SUPT3H: variants seen among roughly 807,000 people sequenced by gnomAD.
SUPT3H encodes SPT3 homolog, SAGA and STAGA complex component.
In SUPT3H, 44 loss-of-function variants were observed where a neutral mutation model predicts 44.3. That is an observed-to-expected ratio of 0.99 (90% CI 0.78 to 1.28). The LOEUF (loss-of-function observed/expected upper bound fraction) is 1.28, where lower values mean the gene tolerates loss of function less well. SUPT3H is among the 50% of genes most tolerant of loss of function. The probability of loss-of-function intolerance (pLI) is 0.00; values close to 1 mark genes in which losing one functional copy is unlikely to be tolerated. For synonymous variants in SUPT3H, 124 were observed against 125.6 expected (o/e 0.99, Z 0.09); for missense variants, 380 against 387.1 (o/e 0.98, Z 0.15).
At chr6:44,933,517 T>C (rs1770926455) in intron 9 of SUPT3H, among the ~76,000 whole-genome samples, 2 of 152,196 alleles carry the variant, frequency 1.3e-5, no homozygotes, top group South Asian at 4.1e-4. Context: ...AGATACATAA[T>C]ATCTCGGGCC....
Position 44,847,645 on chromosome 6 carries a change from G to A in SUPT3H, c.913-17788C>T, listed in dbSNP as rs1181592897. ...TGGGACTACAGGCATGTGCCACCAT[G>A]CCCAGCTAATTTTTGTATTTTTAGT... On this transcript the variant is annotated intron_variant, in intron 10 of 10. Coordinates refer to ENST00000371459, the MANE Select transcript of SUPT3H (RefSeq NM_003599.4). Among the ~76,000 whole-genome samples the A allele has an allele frequency of 2.6e-5, 4 of 152,000 alleles. No individual in the cohort carries two copies. In the East Asian group the frequency reaches 7.8e-4, roughly 30 times the overall value.
intron 10 of SUPT3H, among the ~76,000 whole-genome samples, chr6:44,854,479 T>C (rs551200005): frequency 2.6e-5 from 4 of 152,178 alleles, no homozygotes; most frequent in Non-Finnish European, 4.4e-5. Context: ...TGCTCTTCTG[T>C]TGAACTTGGT....
rs546103147 is a variant in SUPT3H, at chr6:45,001,526, T to C, written c.504+2127A>G. Reference sequence around the variant, plus strand: ...GGATGAAACTAAAGCCAAGCACACATACATCAGCTGAAAACAATAGGAAAG... The same window carrying C: ...GGATGAAACTAAAGCCAAGCACACACACATCAGCTGAAAACAATAGGAAAG... On this transcript the variant is annotated intron_variant, in intron 6 of 10. Coordinates refer to ENST00000371459, the MANE Select transcript of SUPT3H (RefSeq NM_003599.4). Among the ~76,000 whole-genome samples the C allele has an allele frequency of 4.6e-5, 7 of 152,180 alleles. No individual in the cohort carries two copies. The East Asian group carries it at 1.4e-3, about 29-fold the overall frequency.
intron 2 of SUPT3H, among the ~76,000 whole-genome samples, chr6:45,331,665 A>C (rs1319830765): frequency 6.6e-6 from 1 of 151,986 alleles, no homozygotes; most frequent in Non-Finnish European, 1.5e-5. Flanking sequence ...TTTATTTTTA[A>C]AAAATGTTTT....
intron 9 of SUPT3H, among the ~76,000 whole-genome samples, chr6:44,948,942 A>G (rs1300984336): frequency 6.6e-6 from 1 of 152,334 alleles, no homozygotes; most frequent in Admixed American, 6.5e-5. Context: ...ACATGCACAC[A>G]TATGTTTATT....
chr6:45,062,658 G>A lies in SUPT3H; in HGVS notation c.187-42026C>T, dbSNP rs1207268111. ...GCATTGCCTCACCTGGGAAGCGCGAGGGGTCAGGAAGTTCCCTTTCCGAGT... is the reference window on the plus strand; with the variant it reads ...GCATTGCCTCACCTGGGAAGCGCGAAGGGTCAGGAAGTTCCCTTTCCGAGT... On this transcript the variant is annotated intron_variant, in intron 3 of 10. Coordinates refer to ENST00000371459, the MANE Select transcript of SUPT3H (RefSeq NM_003599.4). Among the ~76,000 whole-genome samples the A allele has an allele frequency of 1.3e-5, 2 of 152,222 alleles. 1 individual carries two copies.
intron 2 of SUPT3H, chr6:45,158,962 A>G (rs978695778): frequency 2.0e-5 from 3 of 152,188 alleles, no homozygotes; most frequent in African/African-American, 7.2e-5. Context: ...AGGAAGACAC[A>G]TTTCAATTTG....
chr6:45,009,634 C>T (rs1009161975), intron 5 of SUPT3H, among the ~76,000 whole-genome samples: 2 of 152,176 alleles, frequency 1.3e-5, no homozygotes, highest in African/African-American at 2.4e-5. Context: ...ATGCTCATTA[C>T]TGAACTCTCA....
intron 10 of SUPT3H, among the ~76,000 whole-genome samples, chr6:44,915,564 A>G (rs2153454604): frequency 6.6e-6 from 1 of 152,248 alleles, no homozygotes; most frequent in East Asian, 1.9e-4. Context: ...ATGCCACATT[A>G]TACCCTCCAG....
At chr6:44,935,844 AG>A (rs1381365155) in intron 9 of SUPT3H, among the ~76,000 whole-genome samples, 18 of 152,336 alleles carry the variant, frequency 1.2e-4, no homozygotes, top group Non-Finnish European at 2.4e-4. Flanking sequence ...ACTGAAACTT[AG>A]GTTTGCCCCT....
intron 2 of SUPT3H, among the ~76,000 whole-genome samples, chr6:45,231,610 G>T (rs1768064433): frequency 6.6e-6 from 1 of 152,112 alleles, no homozygotes; most frequent in African/African-American, 2.4e-5. Flanking sequence ...GGGTCACTAG[G>T]CTTTCTGTAT....
rs1050699498 is a variant in SUPT3H, at chr6:45,234,920, C to T, written c.102-128914G>A. 4.6e-5 allele frequency among the ~76,000 whole-genome samples: 7 copies of T among 152,072 alleles called. No individual in the cohort carries two copies. In the East Asian group the frequency reaches 5.8e-4, roughly 13 times the overall value. Reference sequence around the variant, plus strand: ...AGAAATAGTTTAACAAGATACAAAACGCTTCTTAATAAAATTTAAGAGCTG... The same window carrying T: ...AGAAATAGTTTAACAAGATACAAAATGCTTCTTAATAAAATTTAAGAGCTG... On this transcript the variant is annotated intron_variant, in intron 2 of 10. Coordinates refer to ENST00000371459, the MANE Select transcript of SUPT3H (RefSeq NM_003599.4).
intron 2 of SUPT3H, among the ~76,000 whole-genome samples, chr6:45,133,774 A>G (rs1013236767): frequency 1.5e-4 from 23 of 152,200 alleles, no homozygotes; most frequent in African/African-American, 5.5e-4. Context: ...TCATGTTGCT[A>G]AAGAGGAGAA....
rs1404196325 is a variant in SUPT3H at position 45,215,210 on chromosome 6, A to C, written c.102-109204T>G. The stretch of plus-strand genomic sequence containing the variant: ...GGAAAAATGTTATCCCTAATTAACA[A>C]AATTAACATAAAATCTGAAGAGCTG... On this transcript the variant is annotated intron_variant, in intron 2 of 10. Transcript: ENST00000371459. Among the ~76,000 whole-genome samples the C allele has an allele frequency of 2.0e-5, 3 of 152,218 alleles. No homozygotes were observed. The East Asian group carries it at 5.8e-4, about 29-fold the overall frequency.
At chr6:45,303,667 GAAGT>G (rs1782507239) in intron 2 of SUPT3H, among the ~76,000 whole-genome samples, 1 of 74,536 alleles carries the variant, frequency 1.3e-5, no homozygotes, top group Non-Finnish European at 2.4e-5. Flanking sequence ...CCTGATTCTA[GAAGT>G]AAAAAAAAAA....
intron 10 of SUPT3H, among the ~76,000 whole-genome samples, chr6:44,909,747 G>A (rs990042842): frequency 3.9e-5 from 6 of 152,272 alleles, no homozygotes; most frequent in African/African-American, 1.4e-4. Context: ...CTGACACCTA[G>A]CTCAGGCCCA....
At chr6:44,894,279 A>G (rs1293616445) in intron 10 of SUPT3H, among the ~76,000 whole-genome samples, 3 of 151,172 alleles carry the variant, frequency 2.0e-5, no homozygotes, top group Non-Finnish European at 2.9e-5. Context: ...TTGGTGTTTT[A>G]GACATGAAGT....
chr6:44,878,507 T>C (rs1777665925), intron 10 of SUPT3H, among the ~76,000 whole-genome samples: 1 of 152,090 alleles, frequency 6.6e-6, no homozygotes, highest in Non-Finnish European at 1.5e-5. Flanking sequence ...TTGAAGTTAC[T>C]GTGTATGTGT....
intron 10 of SUPT3H, among the ~76,000 whole-genome samples, chr6:44,887,504 G>T (rs1388725592): frequency 1.3e-5 from 2 of 152,128 alleles, no homozygotes; most frequent in African/African-American, 4.8e-5. Context: ...TGAACAACCT[G>T]CTCCTGAATG....
Sources: allele counts gnomAD v4.1 joint callset (sites outside exome capture counted in the v4.1 genomes callset), GRCh38; gene constraint gnomAD v4.1.1; transcripts MANE v1.5; gene names NCBI Gene and HGNC (gene_info 2026-07-23, HGNC 2026-07-21).